Variants in EYS observed in about 807,000 individuals in gnomAD.
EYS encodes EGF-like photoreceptor maintenance factor, also known as protein eyes shut homolog.
EYS carries 250 observed loss-of-function variants against 282.1 expected under a neutral mutation model. That is an observed-to-expected ratio of 0.89 (90% CI 0.80 to 0.98). The LOEUF is 0.98. EYS is among the 50% of genes least tolerant of loss of function. The pLI is 0.00. For missense variants in EYS, 4,016 were observed against 3,709.0 expected (o/e 1.08, Z -2.15); for synonymous variants, 1,355 against 1,282.9 (o/e 1.06, Z -1.20).
rs542954338 is a variant in EYS, at chr6:64,663,196, T to G, written c.3444-36951A>C. Among the ~76,000 whole-genome samples the G allele has an allele frequency of 3.9e-5, 6 of 152,274 alleles. No homozygotes were observed. In the South Asian group the frequency reaches 1.2e-3, roughly 32 times the overall value. On this transcript the variant is annotated intron_variant, in intron 22 of 42. Coordinates refer to ENST00000503581, the MANE Select transcript of EYS (RefSeq NM_001142800.2). The stretch of plus-strand genomic sequence containing the variant: ...ATTTTGCTAAAAATTCAAAATCCAC[T>G]GACAACAATAATTATGTATGCTTGT...
At chr6:64,029,737 T>C (rs1240969091) in intron 33 of EYS, among the ~76,000 whole-genome samples, 1 of 152,246 alleles carries the variant, frequency 6.6e-6, no homozygotes, top group East Asian at 1.9e-4. Context: ...GATGTCACCA[T>C]ACTTGAAAGT....
chr6:64,290,169 A>G (rs533977626), intron 30 of EYS, among the ~76,000 whole-genome samples: 8 of 152,260 alleles, frequency 5.3e-5, no homozygotes, highest in Admixed American at 4.6e-4. Context: ...GTATCTATCC[A>G]TCAATCACAG....
intron 30 of EYS, among the ~76,000 whole-genome samples, chr6:64,306,687 C>G (rs1769457715): frequency 6.6e-6 from 1 of 152,128 alleles, no homozygotes; most frequent in Admixed American, 6.5e-5. Context: ...TTTAAACTAA[C>G]TCTGATAGAA....
Position 64,592,081 on chromosome 6 carries a change from G to C in EYS, c.3878-92C>G, listed in dbSNP as rs12663927. ...GATAAATCTCAGGCAAATTGCACTG[G>C]CACCTTACATCCATTATATGTAGAC... On this transcript the variant is annotated intron_variant, in intron 25 of 42. Transcript: ENST00000503581. 79,639 of 767,138 alleles carry C rather than the reference G, an allele frequency of 0.1. 4,705 individuals carry two copies. Among genetic ancestry groups the C allele is most frequent in the East Asian group, 0.14 (5,156 of 36,342 alleles). 47.5% of individuals were successfully genotyped at this position (767,138 alleles called of 1,614,324 possible).
At chr6:63,856,203 C>T (rs747963480) in intron 36 of EYS, among the ~76,000 whole-genome samples, 1 of 151,964 alleles carries the variant, frequency 6.6e-6, no homozygotes, top group South Asian at 2.1e-4. Flanking sequence ...ACTGACAGAC[C>T]TGCAAGGTAA....
intron 26 of EYS, among the ~76,000 whole-genome samples, chr6:64,497,084 T>C (rs1416144050): frequency 6.6e-6 from 1 of 152,234 alleles, no homozygotes; most frequent in East Asian, 1.9e-4. Context: ...GAAGACCTAC[T>C]ACTATTTGCC....
intron 22 of EYS, among the ~76,000 whole-genome samples, chr6:64,756,633 G>A (rs1404849937): frequency 3.3e-5 from 5 of 152,090 alleles, no homozygotes; most frequent in Non-Finnish European, 7.4e-5. Context: ...AATTTTAGTT[G>A]AAAACAGAAC....
chr6:65,192,869 G>A (rs547354444), intron 12 of EYS, among the ~76,000 whole-genome samples: 2 of 151,834 alleles, frequency 1.3e-5, no homozygotes, highest in African/African-American at 2.4e-5. Context: ...ATCAAGTGAA[G>A]GTACTTAGGA....
At chr6:64,350,676 T>A (rs1443324573) in intron 29 of EYS, among the ~76,000 whole-genome samples, 1 of 151,622 alleles carries the variant, frequency 6.6e-6, no homozygotes, top group Non-Finnish European at 1.5e-5. Context: ...AGCTCTGGAA[T>A]TATTCTGGGA....
At chr6:65,246,934 A>G (rs1767195379) in intron 12 of EYS, among the ~76,000 whole-genome samples, 1 of 152,170 alleles carries the variant, frequency 6.6e-6, no homozygotes, top group Admixed American at 6.6e-5. Context: ...AAAGCCTAGA[A>G]TAAACTCAGA....
chr6:63,895,172 T>C lies in EYS; in HGVS notation c.7056-30814A>G, dbSNP rs185968306. On this transcript the variant is annotated intron_variant, in intron 35 of 42. Transcript: ENST00000503581. ...ATAAAAAAAAAAAAGAATGGAGGCA[T>C]TGTACATAAATATTTGATGATATAG... 3.1e-3 allele frequency among the ~76,000 whole-genome samples: 468 copies of C among 152,192 alleles called. 2 individuals carry two copies. The highest frequency in any genetic ancestry group is 0.01 in the African/African-American group (428 of 41,506).
At chr6:63,754,331 A>G (rs1288263871) in intron 41 of EYS, among the ~76,000 whole-genome samples, 3 of 151,886 alleles carry the variant, frequency 2.0e-5, no homozygotes, top group Admixed American at 1.3e-4. Flanking sequence ...TCTGAACACT[A>G]TCCCTCCCCC....
chr6:63,884,759 T>C (rs1414144282), intron 35 of EYS, among the ~76,000 whole-genome samples: 1 of 152,192 alleles, frequency 6.6e-6, no homozygotes, highest in Non-Finnish European at 1.5e-5. Context: ...TATCAAATAC[T>C]TTATATTAAC....
intron 15 of EYS, among the ~76,000 whole-genome samples, chr6:64,931,717 A>T (rs1008388471): frequency 2.6e-5 from 4 of 152,102 alleles, no homozygotes; most frequent in Non-Finnish European, 4.4e-5. Context: ...TTGTGGACAG[A>T]ATATTATTTA....
chr6:63,779,848 T>C (rs555035735), intron 39 of EYS, among the ~76,000 whole-genome samples: 1 of 152,112 alleles, frequency 6.6e-6, no homozygotes, highest in East Asian at 1.9e-4. Context: ...GCTGCACCCA[T>C]TAACTCGTCA....
intron 19 of EYS, among the ~76,000 whole-genome samples, chr6:64,886,400 C>A (rs1241514049): frequency 6.6e-6 from 1 of 151,646 alleles, no homozygotes; most frequent in African/African-American, 2.4e-5. Context: ...GTTAGATTAC[C>A]CATACAGAAA....
chr6:64,474,389 C>T (rs1323147142), intron 26 of EYS, among the ~76,000 whole-genome samples: 3 of 152,140 alleles, frequency 2.0e-5, no homozygotes, highest in Admixed American at 6.6e-5. Flanking sequence ...GGAAATAGCA[C>T]ATATATTTTC....
chr6:64,169,742 C>A (rs2150306019), intron 31 of EYS, among the ~76,000 whole-genome samples: 1 of 152,088 alleles, frequency 6.6e-6, no homozygotes, highest in Non-Finnish European at 1.5e-5. Context: ...GAAGTCCGGG[C>A]CCATGGGAGT....
In EYS at chr6:65,445,633, G is replaced by C. The variant is rs1184096163; in HGVS notation, c.863-40266C>G. ...CATTCAAACAGATAGCAAAATCATT[G>C]GTTAATAAGATGTGTACTAAGACAC... On this transcript the variant is annotated intron_variant, in intron 5 of 42. Transcript: ENST00000503581. Among the ~76,000 whole-genome samples, 12 of 151,432 alleles carry C rather than the reference G, an allele frequency of 7.9e-5. No homozygotes were observed. The Admixed American group carries it at 7.9e-4, about 10-fold the overall frequency.
Sources: allele counts gnomAD v4.1 joint callset (sites outside exome capture counted in the v4.1 genomes callset), GRCh38; gene constraint gnomAD v4.1.1; transcripts MANE v1.5; gene names NCBI Gene and HGNC (gene_info 2026-07-23, HGNC 2026-07-21).